Variants in ANAPC10 observed in about 807,000 individuals in gnomAD.
The protein encoded by ANAPC10 is anaphase-promoting complex subunit 10.
ANAPC10 carries 12 observed loss-of-function variants against 22.0 expected under a neutral mutation model. The observed-to-expected ratio is 0.55, with a 90% CI of 0.35 to 0.88. The LOEUF is 0.88. Ranked by LOEUF, ANAPC10 falls within the 40% of genes least tolerant of loss-of-function variation. The pLI is 0.01. For missense variants in ANAPC10, 188 were observed against 220.9 expected (o/e 0.85, Z 0.94); for synonymous variants, 65 against 69.5 (o/e 0.94, Z 0.32).
At chr4:145,068,184 A>G (rs1029154078) in intron 3 of ANAPC10, among the ~76,000 whole-genome samples, 4 of 152,222 alleles carry the variant, frequency 2.6e-5, no homozygotes, top group African/African-American at 9.7e-5. Flanking sequence ...ACCTTGTAGA[A>G]AACACCATTA....
chr4:145,020,094 C>A (rs1322715632), intron 4 of ANAPC10, among the ~76,000 whole-genome samples: 1 of 152,104 alleles, frequency 6.6e-6, no homozygotes, highest in South Asian at 2.1e-4. Context: ...ATGAAGCCAG[C>A]ATCACCCTAA....
At chr4:145,054,578 C>A (rs2126358298) in intron 4 of ANAPC10, among the ~76,000 whole-genome samples, 1 of 147,078 alleles carries the variant, frequency 6.8e-6, no homozygotes, top group Admixed American at 6.8e-5. Context: ...AAAAAACTTA[C>A]CACAGGATGA....
At chr4:145,027,230 T>C (rs539001724) in intron 4 of ANAPC10, among the ~76,000 whole-genome samples, 57 of 150,864 alleles carry the variant, frequency 3.8e-4, no homozygotes, top group African/African-American at 1.3e-3. Flanking sequence ...TCTTGAACTC[T>C]TCACCTCAGG....
At chr4:145,078,290 A>C (rs997364809) in intron 3 of ANAPC10, among the ~76,000 whole-genome samples, 4 of 151,982 alleles carry the variant, frequency 2.6e-5, no homozygotes, top group Non-Finnish European at 5.9e-5. Context: ...AAAAAAAAAA[A>C]TAAAACACCT....
At chr4:145,067,379 G>A (rs539168254) in intron 3 of ANAPC10, among the ~76,000 whole-genome samples, 1 of 151,954 alleles carries the variant, frequency 6.6e-6, no homozygotes, top group Admixed American at 6.6e-5. Context: ...GAAGGAAGAG[G>A]GCAATACTTT....
intron 4 of ANAPC10, among the ~76,000 whole-genome samples, chr4:145,051,919 T>A (rs1317307724): frequency 6.6e-6 from 1 of 152,198 alleles, no homozygotes; most frequent in African/African-American, 2.4e-5. Flanking sequence ...CTCAGAGGAT[T>A]TCACATAGTC....
chr4:145,074,781 A>G (rs961262889), intron 3 of ANAPC10, among the ~76,000 whole-genome samples: 3 of 152,174 alleles, frequency 2.0e-5, no homozygotes, highest in African/African-American at 4.8e-5. Context: ...AAGCAGTTAA[A>G]TTATCTTTGA....
chr4:145,000,917 C>T (rs911529721), intron 4 of ANAPC10, among the ~76,000 whole-genome samples: 2 of 152,190 alleles, frequency 1.3e-5, no homozygotes, highest in South Asian at 2.1e-4. Flanking sequence ...AGCTGGAAAC[C>T]ATCATTCTAA....
At chr4:145,009,212 G>A (rs1429745673) in intron 4 of ANAPC10, among the ~76,000 whole-genome samples, 5 of 152,104 alleles carry the variant, frequency 3.3e-5, no homozygotes, top group Non-Finnish European at 7.3e-5. Flanking sequence ...AACATTCCAT[G>A]CTCATGGATA....
chr4:145,040,252 C>T (rs1422373982), intron 4 of ANAPC10, among the ~76,000 whole-genome samples: 7 of 152,018 alleles, frequency 4.6e-5, no homozygotes, highest in East Asian at 1.9e-4. Flanking sequence ...CAGGTTCAAA[C>T]GATTCTCCTG....
intron 1 of ANAPC10, 91 bp from the exon 2 acceptor site, chr4:145,096,202 T>C: frequency 1.6e-6 from 2 of 1,267,924 alleles, no homozygotes; most frequent in African/African-American, 1.5e-5. Flanking sequence ...ATGGAACTCA[T>C]ATACCCTGAC....
intron 4 of ANAPC10, among the ~76,000 whole-genome samples, chr4:145,059,423 T>A (rs545791224): frequency 3.9e-5 from 6 of 152,020 alleles, no homozygotes; most frequent in African/African-American, 1.2e-4. Context: ...AGCCTCCTTT[T>A]AAAAAAAATC....
chr4:145,016,203 T>C (rs1382916876), intron 4 of ANAPC10, among the ~76,000 whole-genome samples: 2 of 152,208 alleles, frequency 1.3e-5, no homozygotes, highest in African/African-American at 4.8e-5. Flanking sequence ...GATGACATGA[T>C]TGTATATTTA....
intron 4 of ANAPC10, among the ~76,000 whole-genome samples, chr4:145,048,883 A>C: frequency 6.6e-6 from 1 of 152,196 alleles, no homozygotes; most frequent in Non-Finnish European, 1.5e-5. Context: ...AAATAGGAAA[A>C]TACAACTTTG....
At chr4:145,018,459 C>A (rs1009660182) in intron 4 of ANAPC10, among the ~76,000 whole-genome samples, 3 of 151,840 alleles carry the variant, frequency 2.0e-5, no homozygotes, top group South Asian at 4.2e-4. Context: ...CATGGTGAAA[C>A]CCCATCTCTA....
At chr4:145,063,559 CA>C (rs1743222952) in intron 4 of ANAPC10, among the ~76,000 whole-genome samples, 2 of 152,218 alleles carry the variant, frequency 1.3e-5, no homozygotes, top group Middle Eastern at 6.8e-3. Flanking sequence ...TCAAAGATCA[CA>C]AGTGCTTCCC....
chr4:145,044,701 C>T (rs1470061256), intron 4 of ANAPC10, among the ~76,000 whole-genome samples: 1 of 151,970 alleles, frequency 6.6e-6, no homozygotes, highest in Non-Finnish European at 1.5e-5. Context: ...CAAGTGGTAC[C>T]GTTCATAACC....
intron 4 of ANAPC10, among the ~76,000 whole-genome samples, chr4:145,048,892 T>G (rs1252075444): frequency 6.6e-6 from 1 of 152,180 alleles, no homozygotes; most frequent in East Asian, 1.9e-4. Context: ...AATACAACTT[T>G]GAGATAAAGT....
chr4:145,022,219 G>A (rs141683666), intron 4 of ANAPC10, among the ~76,000 whole-genome samples: 150 of 152,174 alleles, frequency 9.9e-4, no homozygotes, highest in African/African-American at 3.5e-3. Context: ...GTTTATAGCA[G>A]CACAATTCAC....
Sources: gnomAD v4.1 joint callset for allele counts (sites outside exome capture counted in the v4.1 genomes callset) on GRCh38, gnomAD v4.1.1 for gene constraint, MANE v1.5 for transcripts, NCBI Gene and HGNC (gene_info 2026-07-23, HGNC 2026-07-21) for gene names.